The following PRICKLE2 variants were observed in gnomAD, a reference collection of about 807,000 sequenced individuals.
PRICKLE2 encodes the protein prickle planar cell polarity protein 2.
PRICKLE2 carries 21 observed loss-of-function variants against 81.4 expected under a neutral mutation model. That is an observed-to-expected ratio of 0.26 (90% confidence interval 0.18 to 0.37). PRICKLE2 has a LOEUF of 0.37. Among genes scored for constraint, PRICKLE2 ranks in the 10% least tolerant of loss-of-function variants. The pLI is 1.00. For synonymous variants in PRICKLE2, 456 were observed against 421.5 expected, an observed-to-expected ratio of 1.08 and a Z score of -1.00; for missense variants, 940 against 1,109.0, an observed-to-expected ratio of 0.85 and a Z score of 2.16.
At chr3:64,153,078 G>T in intron 6 of PRICKLE2, 104 bp downstream of exon 6, 1 of 1,071,560 alleles carries the variant, frequency 9.3e-7, no homozygotes. Flanking sequence ...AAGTTAGCAT[G>T]AGTTGGGTTT....
intron 2 of PRICKLE2, among the ~76,000 whole-genome samples, chr3:64,164,740 G>C (rs2077798252): frequency 6.6e-6 from 1 of 152,234 alleles, no homozygotes; most frequent in South Asian, 2.1e-4. Context: ...CTGGCAGAGA[G>C]CTATGCCCAG....
At position 64,160,061 on chromosome 3, in the gene PRICKLE2, G is replaced by T. The variant is rs772302825; in HGVS notation, c.275C>A (p.Ser92Tyr). 6.2e-7 allele frequency: 1 copy of T among 1,613,982 alleles called. No individual in the cohort carries two copies. The highest frequency in any genetic ancestry group is 8.5e-7 in the Non-Finnish European group (1 of 1,180,018). Residue 92 changes from serine to tyrosine, a missense_variant, in exon 4 of 8, where the codon TCC (serine) becomes TAC (tyrosine). Ser to Tyr is a moderately radical substitution (Grantham distance 144, BLOSUM62 -2). This residue lies in a region of PRICKLE2 where 270 missense variants were observed against 391.8 expected (regional missense o/e 0.69). Coordinates refer to ENST00000638394, the MANE Select transcript of PRICKLE2 (RefSeq NM_198859.4). ...CTCCCTCTTCTCTTCCTCATCCAGG[G>T]AGTTGCAATATCGAACCTGAATAGA... ...PHDNEVRYCNSLDEEEKRELK... is the reference protein window; with the variant it reads ...PHDNEVRYCNYLDEEEKRELK...
intron 2 of PRICKLE2, among the ~76,000 whole-genome samples, chr3:64,235,064 T>A (rs1575698412): frequency 6.6e-6 from 1 of 152,184 alleles, no homozygotes; most frequent in African/African-American, 2.4e-5. Context: ...TTATTTTCAC[T>A]CTCTTTTCTC....
chr3:64,117,059 T>C (rs956894772), intron 7 of PRICKLE2, among the ~76,000 whole-genome samples: 1 of 152,228 alleles, frequency 6.6e-6, no homozygotes, highest in Non-Finnish European at 1.5e-5. Context: ...TGTAAATCAA[T>C]AAATGTGATG....
intron 2 of PRICKLE2, among the ~76,000 whole-genome samples, chr3:64,192,919 G>A (rs2078372243): frequency 6.6e-6 from 1 of 152,142 alleles, no homozygotes; most frequent in South Asian, 2.1e-4. Context: ...ATCCACTCAG[G>A]AGAAACAATC....
chr3:64,234,452 T>A (rs2079151889), intron 2 of PRICKLE2, among the ~76,000 whole-genome samples: 1 of 152,214 alleles, frequency 6.6e-6, no homozygotes. Flanking sequence ...GCTATTTGCA[T>A]ACCTTCTTTG....
At chr3:64,148,824 T>C (rs2077498344) in intron 6 of PRICKLE2, among the ~76,000 whole-genome samples, 1 of 152,182 alleles carries the variant, frequency 6.6e-6, no homozygotes, top group South Asian at 2.1e-4. Flanking sequence ...GCTGGTGCCT[T>C]GAGTTTGAAC....
rs1321370969 is a variant in PRICKLE2 at position 64,147,775 on chromosome 3, C to T, written c.788-73G>A. ...CTGCACTGGGACGTGAAACACATAGCACCTTGGTTTGTCTCAGGATTCCAG... is the reference window on the plus strand; with the variant it reads ...CTGCACTGGGACGTGAAACACATAGTACCTTGGTTTGTCTCAGGATTCCAG... On this transcript the variant is annotated intron_variant, in intron 6 of 7. Transcript: ENST00000638394. This position sits in a 1 kb window ranked among gnomAD's most constrained non-coding sequence, Gnocchi z 5.0. 2 of 1,545,534 alleles carry T rather than the reference C, an allele frequency of 1.3e-6. No individual in the cohort carries two copies. Among genetic ancestry groups the T allele is most frequent in the South Asian group, 1.1e-5 (1 of 89,166 alleles).
intron 2 of PRICKLE2, among the ~76,000 whole-genome samples, chr3:64,168,177 G>C (rs2077867455): frequency 6.6e-6 from 1 of 152,052 alleles, no homozygotes; most frequent in Non-Finnish European, 1.5e-5. Flanking sequence ...CTTATCAAAA[G>C]CATCCTTATT....
intron 2 of PRICKLE2, among the ~76,000 whole-genome samples, chr3:64,172,278 A>G (rs1193558831): frequency 6.6e-6 from 1 of 152,240 alleles, no homozygotes; most frequent in East Asian, 1.9e-4. Context: ...CAGATTGTCT[A>G]CGCATTTGCG....
At chr3:64,248,291 A>C (rs981118701) in intron 2 of PRICKLE2, among the ~76,000 whole-genome samples, 1 of 152,218 alleles carries the variant, frequency 6.6e-6, no homozygotes, top group African/African-American at 2.4e-5. Context: ...AAAGCATTTA[A>C]TAAGGGGCAA....
At chr3:64,128,384 G>C (rs2077143603) in intron 7 of PRICKLE2, among the ~76,000 whole-genome samples, 1 of 152,236 alleles carries the variant, frequency 6.6e-6, no homozygotes, top group African/African-American at 2.4e-5. Flanking sequence ...TCAAAGTGGG[G>C]AGTGGAATGG....
chr3:64,199,688 C>T (rs890851467), intron 1 of PRICKLE2: 3 of 152,164 alleles, frequency 2.0e-5, no homozygotes, highest in African/African-American at 7.2e-5. Context: ...ATAAAAATCT[C>T]CCAAACTGAA....
At chr3:64,175,288 T>C (rs750312703) in intron 2 of PRICKLE2, 1 of 153,052 alleles carries the variant, frequency 6.5e-6, no homozygotes, top group Non-Finnish European at 1.5e-5. Context: ...CTACTCTATA[T>C]GTTTTGTTTT....
intron 7 of PRICKLE2, among the ~76,000 whole-genome samples, chr3:64,122,848 A>T (rs1362119448): frequency 6.6e-6 from 1 of 152,162 alleles, no homozygotes; most frequent in Non-Finnish European, 1.5e-5. Flanking sequence ...CTCCCCCTGG[A>T]AACTCTTCAG....
At position 64,099,422 on chromosome 3, in the gene PRICKLE2, C is replaced by T. The variant is rs1238453786; in HGVS notation, c.2164G>A (p.Asp722Asn). 6.3e-7 allele frequency: 1 copy of T among 1,594,688 alleles called. No homozygotes were observed. Among genetic ancestry groups the T allele is most frequent in the Non-Finnish European group, 8.6e-7 (1 of 1,167,524 alleles). ...CGCTGGCGCATAAATTGGTCATAGT[C>T]CTCCCTGGCTCTCAGAGGGGGCCTA... The part of the protein sequence containing the change: ...KDRPPLRARE[D>N]YDQFMRQRSF... The change falls in exon 8 of 8, where the codon GAC becomes AAC. Residue 722 changes from aspartate to asparagine, a missense_variant. Around this residue, in one of 2 missense-constraint regions of PRICKLE2, gnomAD observed 670 missense variants for 717.2 expected, o/e 0.93. Transcript: ENST00000638394. The surrounding 1 kb of genome is among the most constrained non-coding windows in gnomAD (Gnocchi z 4.3).
intron 7 of PRICKLE2, chr3:64,100,247 A>G (rs1387043144): frequency 5.7e-6 from 2 of 352,166 alleles, no homozygotes; most frequent in Non-Finnish European, 1.0e-5. Context: ...TTGGAGTTTC[A>G]CTTTGCAAAG....
intron 1 of PRICKLE2, among the ~76,000 whole-genome samples, chr3:64,207,524 C>A (rs1306112885): frequency 6.6e-6 from 1 of 152,086 alleles, no homozygotes; most frequent in East Asian, 1.9e-4. Context: ...AAGACATGAG[C>A]CAGAGCCACC....
Position 64,224,892 on chromosome 3 carries a change from A to G in PRICKLE2, c.-41+18T>C. 1.0e-6 allele frequency: 1 copy of G among 984,322 alleles called. No individual in the cohort carries two copies. The highest frequency in any genetic ancestry group is 5.2e-4 in the Middle Eastern group (1 of 1,914). 61.0% of individuals were successfully genotyped at this position (984,322 alleles called of 1,614,324 possible). ...TACTGCTGTTTAATTTGTGAATTAGAGCAAATTTCTTACCCACCTCCAGGG... is the reference window on the plus strand; with the variant it reads ...TACTGCTGTTTAATTTGTGAATTAGGGCAAATTTCTTACCCACCTCCAGGG... On this transcript the variant is annotated intron_variant, in intron 1 of 7. Transcript: ENST00000638394.
Sources: allele counts gnomAD v4.1 joint callset (sites outside exome capture counted in the v4.1 genomes callset), GRCh38; gene constraint gnomAD v4.1.1; regional missense constraint gnomAD v4.1.1; non-coding constraint Gnocchi (gnomAD v3.1); transcripts MANE v1.5; gene names NCBI Gene and HGNC (gene_info 2026-07-23, HGNC 2026-07-21).